Variants in ACSM3 observed in about 807,000 individuals in gnomAD.
The protein encoded by ACSM3 is acyl-CoA synthetase medium chain family member 3.
ACSM3 carries 61 observed loss-of-function variants against 74.1 expected under a neutral mutation model. The observed-to-expected ratio is 0.82, with a 90% CI of 0.67 to 1.02. The LOEUF is 1.02. ACSM3 is among the 50% of genes least tolerant of loss of function. The probability of loss-of-function intolerance (pLI) is 0.00; values close to 1 mark genes in which losing one functional copy is unlikely to be tolerated. For synonymous variants in ACSM3, 213 were observed against 241.5 expected, an observed-to-expected ratio of 0.88 and a Z score of 1.09; for missense variants, 660 against 697.0, an observed-to-expected ratio of 0.95 and a Z score of 0.60.
intron 3 of ACSM3, among the ~76,000 whole-genome samples, chr16:20,757,179 C>T (rs1172618404): frequency 1.3e-5 from 2 of 152,008 alleles, no homozygotes; most frequent in Non-Finnish European, 2.9e-5. Context: ...CAGAAAGTCA[C>T]TGGTAGCTTG....
intron 2 of ACSM3, among the ~76,000 whole-genome samples, chr16:20,772,633 T>C (rs1222506747): frequency 2.0e-5 from 3 of 152,202 alleles, no homozygotes; most frequent in African/African-American, 7.2e-5. Flanking sequence ...CCTCAGTGTA[T>C]GTTCTTGGCA....
At chr16:20,703,826 C>T (rs1397460642) in intron 1 of ACSM3, 1 of 152,132 alleles carries the variant, frequency 6.6e-6, no homozygotes, top group African/African-American at 2.4e-5. Flanking sequence ...CTGGCCAGAA[C>T]TGGAATTATT....
upstream of ACSM3, among the ~76,000 whole-genome samples, chr16:20,763,453 C>T (rs1443933112): frequency 2.0e-5 from 3 of 152,072 alleles, no homozygotes; most frequent in South Asian, 2.1e-4. Context: ...GCAAGGAGGC[C>T]GGTGGCTGTG....
intron 1 of ACSM3, chr16:20,741,424 G>A (rs2079920198): frequency 3.5e-6 from 5 of 1,433,510 alleles, no homozygotes; most frequent in Non-Finnish European, 4.6e-6. Context: ...AGGCGCGCAT[G>A]CCCATACCAG....
At chr16:20,678,122 C>G (rs2079349789) in intron 1 of ACSM3, among the ~76,000 whole-genome samples, 1 of 152,110 alleles carries the variant, frequency 6.6e-6, no homozygotes, top group Non-Finnish European at 1.5e-5. Flanking sequence ...AGAGATTCCC[C>G]TTCTGTAGAT....
intron 1 of ACSM3, among the ~76,000 whole-genome samples, chr16:20,725,163 G>A (rs540327408): frequency 6.6e-6 from 1 of 152,128 alleles, no homozygotes; most frequent in East Asian, 1.9e-4. Context: ...AAAACAGCAT[G>A]GTACTGGTAC....
intron 1 of ACSM3, among the ~76,000 whole-genome samples, chr16:20,745,252 A>G (rs1369702962): frequency 6.6e-6 from 1 of 152,042 alleles, no homozygotes; most frequent in African/African-American, 2.4e-5. Flanking sequence ...GTCTATCCTT[A>G]GACACCAGGG....
intron 10 of ACSM3, among the ~76,000 whole-genome samples, chr16:20,791,537 A>G (rs1596538668): frequency 1.3e-5 from 2 of 152,264 alleles, no homozygotes; most frequent in East Asian, 1.9e-4. Context: ...GGCTAGCTCC[A>G]TGCTGGAATT....
chr16:20,677,031 TAGTAGTAAACAAAAGCA>T lies in ACSM3; in HGVS notation c.-190+2211_-190+2227del, dbSNP rs570991462. ...ATATAAGCCAAGAGGAAAGATGGCT[TAGTAGTAAACAAAAGCA>T]ATCTGTTTGTGCACTTCCTACTCCA... is the stretch of plus-strand genomic sequence containing the variant. On this transcript the variant is annotated intron_variant, in intron 1 of 3. Coordinates refer to the ACSM3 transcript ENST00000561584. Among the ~76,000 whole-genome samples the T allele has an allele frequency of 2.3e-3, 350 of 152,136 alleles. 3 individuals are homozygous for T. Among genetic ancestry groups the T allele is most frequent in the Non-Finnish European group, 2.7e-3 (181 of 67,998 alleles).
chr16:20,718,483 G>A (rs924478249), intron 1 of ACSM3: 4 of 395,136 alleles, frequency 1.0e-5, no homozygotes, highest in African/African-American at 2.1e-5. Context: ...TGGGTTCACC[G>A]TCTGTGGAAG....
rs761118305 is a variant in ACSM3 at position 20,739,094 on chromosome 16, C to G, written c.-189-10816C>G. ...AAACTGTTTGCATAAAACTAATGAG[C>G]AGAAATGACACAACAGCTCACATTT... is the stretch of plus-strand genomic sequence containing the variant. On this transcript the variant is annotated intron_variant, in intron 1 of 3. Coordinates refer to the ACSM3 transcript ENST00000561584. 62 of 1,612,348 alleles carry G rather than the reference C, an allele frequency of 3.8e-5. 1 individual carries two copies. The South Asian group carries it at 6.4e-4, about 17-fold the overall frequency.
chr16:20,760,130 A>C (rs1280241381), upstream of ACSM3, among the ~76,000 whole-genome samples: 1 of 152,224 alleles, frequency 6.6e-6, no homozygotes, highest in Non-Finnish European at 1.5e-5. Flanking sequence ...TAGCAATAAG[A>C]TCCAAATTCT....
intron 1 of ACSM3, among the ~76,000 whole-genome samples, chr16:20,746,923 C>G (rs1387780111): frequency 6.6e-6 from 1 of 152,164 alleles, no homozygotes; most frequent in Non-Finnish European, 1.5e-5. Flanking sequence ...AAATCTCTTT[C>G]CCTCCAATTT....
rs149628275 is a variant in ACSM3 at position 20,712,194 on chromosome 16, C to A, written c.-190+37372C>A. 3.0e-3 allele frequency among the ~76,000 whole-genome samples: 455 copies of A among 152,262 alleles called. 3 individuals are homozygous for A. Among genetic ancestry groups the A allele is most frequent in the Non-Finnish European group, 4.6e-3 (314 of 68,014 alleles). ...AAATAAAGTTTTACTGGAATGCATC[C>A]ACACTCATTTATTTACATGTTGTCT... On this transcript the variant is annotated intron_variant, in intron 1 of 3. Transcript: ENST00000561584.
intron 1 of ACSM3, among the ~76,000 whole-genome samples, chr16:20,725,698 C>A (rs544396397): frequency 6.6e-5 from 10 of 152,292 alleles, no homozygotes; most frequent in Admixed American, 2.6e-4. Flanking sequence ...CTAGGCTGGG[C>A]ACAGTGGCTC....
chr16:20,787,972 C>T (rs546385060), intron 9 of ACSM3, among the ~76,000 whole-genome samples: 1 of 152,250 alleles, frequency 6.6e-6, no homozygotes, highest in Admixed American at 6.5e-5. Context: ...GAACTGATTT[C>T]ATAGGTTTCT....
intron 1 of ACSM3, among the ~76,000 whole-genome samples, chr16:20,745,840 G>C (rs954904081): frequency 6.6e-6 from 1 of 152,140 alleles, no homozygotes; most frequent in Non-Finnish European, 1.5e-5. Context: ...ACCCAGGTAG[G>C]AGATGCTCTT....
At chr16:20,791,113 G>C (rs1489454154) in intron 10 of ACSM3, among the ~76,000 whole-genome samples, 1 of 152,148 alleles carries the variant, frequency 6.6e-6, no homozygotes, top group African/African-American at 2.4e-5. Flanking sequence ...GCTCCTTACT[G>C]TTTACAACAA....
chr16:20,734,602 A>G (rs1459728872), intron 1 of ACSM3: 1 of 152,198 alleles, frequency 6.6e-6, no homozygotes, highest in Non-Finnish European at 1.5e-5. Flanking sequence ...TTTAAAACTT[A>G]AGGATAAGTC....
Sources: gnomAD v4.1 joint callset for allele counts (sites outside exome capture counted in the v4.1 genomes callset) on GRCh38, gnomAD v4.1.1 for gene constraint, MANE v1.5 for transcripts, NCBI Gene and HGNC (gene_info 2026-07-23, HGNC 2026-07-21) for gene names.